The following NLRP2 variants were observed in gnomAD, a reference collection of about 807,000 sequenced individuals.
The protein encoded by NLRP2 is NACHT, LRR and PYD domains-containing protein 2.
Under a neutral mutation model 97.2 loss-of-function variants are expected in NLRP2, and 107 were observed. The observed-to-expected ratio is 1.10, with a 90% CI of 0.94 to 1.29. The LOEUF is 1.29. Ranked by LOEUF, NLRP2 falls within the 50% of genes most tolerant of loss-of-function variation. NLRP2 has a pLI of 0.00. For missense variants in NLRP2, 1,495 were observed against 1,330.3 expected (o/e 1.12, Z -1.93); for synonymous variants, 663 against 551.5 (o/e 1.20, Z -2.83).
chr19:54,985,443 C>T (rs1436491117), intron 7 of NLRP2, among the ~76,000 whole-genome samples: 3 of 151,904 alleles, frequency 2.0e-5, no homozygotes, highest in African/African-American at 4.8e-5. Context: ...TTCGGGAGGC[C>T]GAGGCAGACA....
intron 2 of NLRP2, 43 bp downstream of exon 2, chr19:54,970,338 G>A (rs369698999): frequency 1.2e-6 from 2 of 1,610,122 alleles, no homozygotes; most frequent in Non-Finnish European, 8.5e-7. Context: ...GAGGAAGCAG[G>A]CGTCCTCTCC....
At position 54,973,536 on chromosome 19, in the gene NLRP2, C is replaced by T. The variant is rs534534809; in HGVS notation, c.281-964C>T. Reference sequence around the variant, plus strand: ...GATTACAGGCGCCTACCACCATGCCCGCTAATTTTTGTATTTTAGTAGAGA... The same window carrying T: ...GATTACAGGCGCCTACCACCATGCCTGCTAATTTTTGTATTTTAGTAGAGA... On this transcript the variant is annotated intron_variant, in intron 2 of 12. Transcript: ENST00000448584. Among the ~76,000 whole-genome samples, 6 of 151,772 alleles carry T rather than the reference C, an allele frequency of 4.0e-5. No individual in the cohort carries two copies. The South Asian group carries it at 6.2e-4, about 16-fold the overall frequency.
In NLRP2 at chr19:54,985,513, A is replaced by G. The variant is rs146440484; in HGVS notation, c.2201+296A>G. On this transcript the variant is annotated intron_variant, in intron 7 of 12. Transcript: ENST00000448584. ...GCCAACGTGACAAAACCCTGCCTCT[A>G]CTAAAAATACAAAAATTATCCAGGC... Among the ~76,000 whole-genome samples, 89 of 148,722 alleles carry G rather than the reference A, an allele frequency of 6.0e-4. 1 individual carries two copies. The East Asian group carries it at 0.016, about 27-fold the overall frequency.
In NLRP2 at chr19:54,982,951, C is replaced by T. The variant is rs550017145; in HGVS notation, c.1253C>T (p.Pro418Leu). 25 of 1,612,264 alleles carry T rather than the reference C, an allele frequency of 1.6e-5. 1 individual carries two copies. Among genetic ancestry groups the T allele is most frequent in the South Asian group, 9.9e-5 (9 of 91,008 alleles). ...CTGCAGATGGAGAAGGGGGAGGACC[C>T]GGTCCCCACCTGCCTCACCCGCACG... is the stretch of plus-strand genomic sequence containing the variant. ...LKLQMEKGED[P>L]VPTCLTRTGL... Residue 418 changes from proline to leucine, a missense_variant, in exon 6 of 13, where the codon CCG becomes CTG. By Grantham distance (98) the Pro-to-Leu change is moderately conservative. Coordinates refer to ENST00000448584, the MANE Select transcript of NLRP2 (RefSeq NM_017852.5).
At chr19:54,987,551 G>C (rs753413348) in intron 8 of NLRP2, among the ~76,000 whole-genome samples, 3 of 152,134 alleles carry the variant, frequency 2.0e-5, no homozygotes, top group African/African-American at 4.8e-5. Flanking sequence ...AGACCGGCCT[G>C]GTCAACATGG....
In NLRP2 at chr19:54,972,610, G is replaced by C. The variant is rs567159107; in HGVS notation, c.281-1890G>C. Among the ~76,000 whole-genome samples the C allele has an allele frequency of 2.0e-5, 3 of 151,332 alleles. No individual in the cohort carries two copies. The East Asian group carries it at 5.8e-4, about 29-fold the overall frequency. Reference sequence around the variant, plus strand: ...CCACTATGGCCTCCCACCACACCTCGCTCATTCTTGTATATATATATATTT... The same window carrying C: ...CCACTATGGCCTCCCACCACACCTCCCTCATTCTTGTATATATATATATTT... On this transcript the variant is annotated intron_variant, in intron 2 of 12. Coordinates refer to ENST00000448584, the MANE Select transcript of NLRP2 (RefSeq NM_017852.5).
In NLRP2 at chr19:54,982,798, A is replaced by T; in HGVS notation, c.1100A>T (p.Tyr367Phe). The change falls in exon 6 of 13, where the codon TAT becomes TTT. Residue 367 changes from tyrosine to phenylalanine, a missense_variant. Coordinates refer to ENST00000448584, the MANE Select transcript of NLRP2 (RefSeq NM_017852.5). ...EGFLEEDRRA[Y>F]FLRHFGDEDQ... ...TTCCTGGAGGAGGACAGGAGGGCCT[A>T]TTTCCTGAGACACTTTGGAGACGAG... 6.2e-7 allele frequency: 1 copy of T among 1,613,964 alleles called. No individual in the cohort carries two copies. Among genetic ancestry groups the T allele is most frequent in the Non-Finnish European group, 8.5e-7 (1 of 1,179,996 alleles).
At chr19:54,994,483 T>G in intron 11 of NLRP2, 44 bp downstream of exon 11, 1 of 1,596,456 alleles carries the variant, frequency 6.3e-7, no homozygotes, top group Non-Finnish European at 8.6e-7. Flanking sequence ...TACACCTTAC[T>G]GAATCTGTGG....
rs141967667 is a variant in NLRP2 at position 54,983,028 on chromosome 19, C to T, written c.1330C>T (p.Arg444Trp). The change falls in exon 6 of 13, where the codon CGG becomes TGG. Residue 444 changes from arginine to tryptophan, a missense_variant. By Grantham distance (101) the Arg-to-Trp change is moderately radical. Coordinates refer to ENST00000448584, the MANE Select transcript of NLRP2 (RefSeq NM_017852.5). ...CSRFPQGAQL[R>W]GALRTLSLLA... ...CCGGTTCCCGCAGGGCGCACAGCTG[C>T]GGGGCGCGCTGCGGACGCTGAGCCT... The T allele has an allele frequency of 4.7e-4, 761 of 1,610,842 alleles. 3 individuals are homozygous for T. The highest frequency in any genetic ancestry group is 1.9e-4 in the Middle Eastern group (1 of 5,262).
rs1402241769 is a variant in NLRP2, at chr19:54,998,583, ACT to A, written c.3050+1099_3050+1100del. Among the ~76,000 whole-genome samples the A allele has an allele frequency of 3.7e-4, 16 of 43,820 alleles. No homozygotes were observed. The East Asian group carries it at 7.4e-3, about 20-fold the overall frequency. The allele number at this position is 43,820 out of a possible 152,430, so 28.7% of individuals were successfully genotyped here. A position where few individuals can be genotyped will look rare whatever the true frequency, so the allele number is the denominator to read the frequency against. Reference sequence around the variant, plus strand: ...TATTATTTATTTTGGAGACAGTTTTACTCTTTTTTTTGGGGTGCATCTTTTTT... The same window carrying A: ...TATTATTTATTTTGGAGACAGTTTTACTTTTTTTTGGGGTGCATCTTTTTT... On this transcript the variant is annotated intron_variant, in intron 12 of 12. Transcript: ENST00000448584.
chr19:54,981,059 T>G (rs148991748), intron 4 of NLRP2, among the ~76,000 whole-genome samples: 1,700 of 152,124 alleles, frequency 0.011, 16 homozygotes, highest in Non-Finnish European at 0.016. Flanking sequence ...TGCAGTGAGC[T>G]GAGATTGCGC....
rs188617687 is a variant in NLRP2 at position 54,990,473 on chromosome 19, C to T, written c.2538-29C>T. The T allele has an allele frequency of 9.4e-4, 1,518 of 1,612,794 alleles. 3 individuals are homozygous for T. Among genetic ancestry groups the T allele is most frequent in the Non-Finnish European group, 8.3e-4 (977 of 1,179,278 alleles). On this transcript the variant is annotated intron_variant, in intron 9 of 12. Transcript: ENST00000448584. The stretch of plus-strand genomic sequence containing the variant: ...GGAAGGTTGAAGTTGGACCTGTCAA[C>T]CGTGTTGCCATTTGTGATTCTTTTG...
In NLRP2 at chr19:54,982,836, C is replaced by T. The variant is rs189403101; in HGVS notation, c.1138C>T (p.Arg380Cys). 9.2e-4 allele frequency: 1,477 copies of T among 1,613,556 alleles called. 35 individuals carry two copies. The East Asian group carries it at 0.027, about 30-fold the overall frequency. ...CTTTGGAGACGAGGACCAAGCCATG[C>T]GTGCCTTTGAGCTAATGAGGAGCAA... Reference protein sequence around the residue: ...RHFGDEDQAMRAFELMRSNAA... With the variant: ...RHFGDEDQAMCAFELMRSNAA... The change falls in exon 6 of 13, where the codon CGT (arginine) becomes TGT (cysteine). Residue 380 changes from arginine to cysteine, a missense_variant. By Grantham distance (180) the Arg-to-Cys change is radical. Transcript: ENST00000448584.
chr19:54,981,067 C>T (rs1293140996), intron 4 of NLRP2, among the ~76,000 whole-genome samples: 2 of 151,802 alleles, frequency 1.3e-5, no homozygotes, highest in Non-Finnish European at 2.9e-5. Context: ...GCTGAGATTG[C>T]GCCACTGCAC....
intron 4 of NLRP2, 67 bp from the exon 5 acceptor site, chr19:54,981,550 C>G: frequency 1.8e-6 from 1 of 557,162 alleles, no homozygotes. Flanking sequence ...CTCCTTTTCT[C>G]TAATTGGGAC....
At chr19:54,996,321 A>C (rs1209408115) in intron 11 of NLRP2, among the ~76,000 whole-genome samples, 1 of 151,894 alleles carries the variant, frequency 6.6e-6, no homozygotes, top group East Asian at 1.9e-4. Flanking sequence ...GTCTCTACTA[A>C]AGAGACAGGT....
intron 7 of NLRP2, among the ~76,000 whole-genome samples, chr19:54,985,693 A>G (rs868272655): frequency 7.5e-4 from 107 of 142,212 alleles, no homozygotes; most frequent in African/African-American, 1.5e-3. Flanking sequence ...AAAAAAAAAA[A>G]AAAAAGAAAA....
At chr19:54,990,310 T>A in intron 9 of NLRP2, 118 bp downstream of exon 9, 1 of 1,210,892 alleles carries the variant, frequency 8.3e-7, no homozygotes, top group East Asian at 2.3e-5. Context: ...CCTGTTCCCA[T>A]GTTTAGATCC....
At chr19:54,988,764 T>C (rs1217784567) in intron 8 of NLRP2, among the ~76,000 whole-genome samples, 1 of 152,216 alleles carries the variant, frequency 6.6e-6, no homozygotes, top group African/African-American at 2.4e-5. Flanking sequence ...ATGATCCACC[T>C]GCCTTGGCCT....
Sources: allele counts gnomAD v4.1 joint callset (sites outside exome capture counted in the v4.1 genomes callset), GRCh38; gene constraint gnomAD v4.1.1; transcripts MANE v1.5; gene names NCBI Gene and HGNC (gene_info 2026-07-23, HGNC 2026-07-21).